The following TBC1D22A variants were observed in gnomAD, a reference collection of about 807,000 sequenced individuals.
TBC1D22A encodes the protein TBC1 domain family member 22A.
TBC1D22A carries 38 observed loss-of-function variants against 60.2 expected under a neutral mutation model. The observed-to-expected ratio is 0.63, with a 90% CI of 0.49 to 0.83. The LOEUF is 0.83. Among genes scored for constraint, TBC1D22A ranks in the 40% least tolerant of loss-of-function variants. The pLI is 0.00. For missense variants in TBC1D22A, 628 were observed against 701.0 expected (o/e 0.90, Z 1.18); for synonymous variants, 302 against 281.7 (o/e 1.07, Z -0.72).
chr22:46,888,796 C>T (rs1346242215), intron 5 of TBC1D22A, among the ~76,000 whole-genome samples: 1 of 152,262 alleles, frequency 6.6e-6, no homozygotes, highest in Admixed American at 6.5e-5. Flanking sequence ...CACCTTCCCT[C>T]CCGGGTTCAA....
At chr22:47,152,469 C>G (rs738667) in intron 12 of TBC1D22A, among the ~76,000 whole-genome samples, 3 of 151,916 alleles carry the variant, frequency 2.0e-5, no homozygotes, top group Non-Finnish European at 4.4e-5. Flanking sequence ...CAGCTGCTCC[C>G]CGCTTCCATG....
At position 46,797,529 on chromosome 22, in the gene TBC1D22A, C is replaced by T. The variant is rs767863140; in HGVS notation, c.546C>T (p.Pro182=). Residue 182 remains proline (P), a synonymous_variant, in exon 4 of 13, where the codon CCC becomes CCT. Coordinates refer to ENST00000337137, the MANE Select transcript of TBC1D22A (RefSeq NM_014346.5). ...ATVTLGGTSD[P]STLSSSALSE... is the part of the protein sequence containing the mutation. ...TCACGCTGGGTGGCACATCTGACCC[C>T]AGCACTCTCAGCAGCTCAGCGCTGA... is the stretch of plus-strand genomic sequence containing the variant. The T allele has an allele frequency of 1.2e-6, 2 of 1,614,096 alleles. No individual in the cohort carries two copies. Among genetic ancestry groups the T allele is most frequent in the South Asian group, 1.1e-5 (1 of 91,080 alleles).
At chr22:46,832,627 C>T (rs919745417) in intron 4 of TBC1D22A, among the ~76,000 whole-genome samples, 10 of 152,244 alleles carry the variant, frequency 6.6e-5, no homozygotes, top group South Asian at 2.1e-4. Flanking sequence ...GCCTGGGCAA[C>T]AAGAGCGAAA....
At chr22:47,020,128 G>C (rs555946767) in intron 10 of TBC1D22A, among the ~76,000 whole-genome samples, 226 of 152,290 alleles carry the variant, frequency 1.5e-3, no homozygotes, top group African/African-American at 5.2e-3. Flanking sequence ...TGGGCCTAGG[G>C]ATGGAAAGGA....
At position 47,174,307 on chromosome 22, in the gene TBC1D22A, A is replaced by T. The variant is rs2147245987; in HGVS notation, c.*681A>T. The stretch of plus-strand genomic sequence containing the variant: ...CAGAGGGAGGCCTCGCCATCGCCTT[A>T]CTTTCCACCTTGAACCTCTTTTACA... On this transcript the variant is annotated 3_prime_UTR_variant, in exon 13 of 13. Transcript: ENST00000337137. 6.6e-6 allele frequency: 1 copy of T among 152,450 alleles called. No homozygotes were observed. Among genetic ancestry groups the T allele is most frequent in the East Asian group, 1.9e-4 (1 of 5,162 alleles). The allele number at this position is 152,450 out of a possible 1,614,324, so 9.4% of individuals were successfully genotyped here. A position where few individuals can be genotyped will look rare whatever the true frequency, so the allele number is the denominator to read the frequency against.
At chr22:46,909,423 C>T (rs772677503) in intron 7 of TBC1D22A, among the ~76,000 whole-genome samples, 2 of 152,140 alleles carry the variant, frequency 1.3e-5, no homozygotes, top group Non-Finnish European at 2.9e-5. Flanking sequence ...GGGCGCTGCA[C>T]TGCTTGTTCC....
intron 1 of TBC1D22A, among the ~76,000 whole-genome samples, chr22:46,776,076 C>T (rs534415670): frequency 3.3e-5 from 5 of 152,288 alleles, no homozygotes; most frequent in East Asian, 1.9e-4. Flanking sequence ...TGGTGCCAAG[C>T]GGGCCACGGA....
At position 46,797,553 on chromosome 22, in the gene TBC1D22A, G is replaced by A. The variant is rs750161561; in HGVS notation, c.570G>A (p.Leu190=). Residue 190 remains leucine, a synonymous_variant, in exon 4 of 13, where the codon CTG becomes CTA. Transcript: ENST00000337137. ...SDPSTLSSSA[L]SEREASRLDK... is the part of the protein sequence containing the mutation. ...CCAGCACTCTCAGCAGCTCAGCGCTGAGCGAAAGAGAGGCCTCCCGGCTCG... is the reference window on the plus strand; with the variant it reads ...CCAGCACTCTCAGCAGCTCAGCGCTAAGCGAAAGAGAGGCCTCCCGGCTCG... The A allele has an allele frequency of 1.2e-5, 19 of 1,613,654 alleles. No individual in the cohort carries two copies. Among genetic ancestry groups the A allele is most frequent in the Middle Eastern group, 1.7e-4 (1 of 6,038 alleles).
chr22:47,105,950 T>C (rs973369151), intron 11 of TBC1D22A, among the ~76,000 whole-genome samples: 3 of 152,226 alleles, frequency 2.0e-5, no homozygotes, highest in African/African-American at 7.2e-5. Flanking sequence ...AATAAGCTTA[T>C]ACATTTTAAA....
intron 12 of TBC1D22A, among the ~76,000 whole-genome samples, chr22:47,127,229 CTTTT>C (rs66495419): frequency 9.5e-6 from 1 of 105,506 alleles, no homozygotes. Context: ...TTCTTTTTCT[CTTTT>C]TTTTTTTTTT....
intron 7 of TBC1D22A, among the ~76,000 whole-genome samples, chr22:46,902,041 G>C (rs1262720759): frequency 6.6e-6 from 1 of 152,214 alleles, no homozygotes; most frequent in East Asian, 1.9e-4. Flanking sequence ...TGAACTGCTG[G>C]TGTTCTGGGC....
intron 11 of TBC1D22A, among the ~76,000 whole-genome samples, chr22:47,039,849 C>G (rs887643275): frequency 6.7e-6 from 1 of 150,160 alleles, no homozygotes; most frequent in African/African-American, 2.5e-5. Flanking sequence ...CCTCAGGAAA[C>G]TTGCAATCAT....
chr22:46,857,888 C>T (rs1229226769), intron 4 of TBC1D22A, among the ~76,000 whole-genome samples: 2 of 152,190 alleles, frequency 1.3e-5, no homozygotes, highest in African/African-American at 4.8e-5. Flanking sequence ...AGTGAATGGA[C>T]ATATGGGGTG....
At chr22:46,988,116 T>C (rs1322887016) in intron 9 of TBC1D22A, among the ~76,000 whole-genome samples, 3 of 152,222 alleles carry the variant, frequency 2.0e-5, no homozygotes, top group African/African-American at 7.2e-5. Context: ...TCCTCATTTG[T>C]GAGAAGCACC....
chr22:46,944,650 G>A (rs561447594), intron 8 of TBC1D22A, among the ~76,000 whole-genome samples: 12 of 152,236 alleles, frequency 7.9e-5, no homozygotes, highest in African/African-American at 2.6e-4. Context: ...TGCCCACCTT[G>A]GCCTCCCAAA....
intron 8 of TBC1D22A, among the ~76,000 whole-genome samples, chr22:46,924,770 T>C (rs957440845): frequency 6.6e-6 from 1 of 151,616 alleles, no homozygotes; most frequent in Admixed American, 6.6e-5. Context: ...AACAAAAACA[T>C]TATATTCCTG....
At chr22:47,147,784 G>A (rs1449349221) in intron 12 of TBC1D22A, among the ~76,000 whole-genome samples, 7 of 152,238 alleles carry the variant, frequency 4.6e-5, no homozygotes, top group African/African-American at 9.6e-5. Context: ...CACTGTCTGC[G>A]GGGAGCTGTG....
chr22:46,953,062 A>G (rs963512297), intron 8 of TBC1D22A, among the ~76,000 whole-genome samples: 1 of 152,156 alleles, frequency 6.6e-6, no homozygotes, highest in Non-Finnish European at 1.5e-5. Context: ...TGTGCAGCCC[A>G]CACTGAACGG....
intron 10 of TBC1D22A, among the ~76,000 whole-genome samples, chr22:47,029,465 G>A (rs1203804380): frequency 1.3e-5 from 2 of 152,114 alleles, no homozygotes; most frequent in African/African-American, 2.4e-5. Flanking sequence ...AACGGGGGCC[G>A]CCTGATGGAG....
Sources: gnomAD v4.1 joint callset for allele counts (sites outside exome capture counted in the v4.1 genomes callset) on GRCh38, gnomAD v4.1.1 for gene constraint, MANE v1.5 for transcripts, NCBI Gene and HGNC (gene_info 2026-07-23, HGNC 2026-07-21) for gene names.